The following NRF1 variants were observed in gnomAD, a reference collection of about 807,000 sequenced individuals.
NRF1 encodes nuclear respiratory factor 1.
In NRF1, 5 loss-of-function variants were observed where a neutral mutation model predicts 58.5. The ratio of observed to expected loss-of-function variants is 0.09; its 90% CI spans 0.04 to 0.18. The LOEUF is 0.18. NRF1 is among the 10% of genes least tolerant of loss of function. NRF1 has a pLI of 1.00. For missense variants in NRF1, 288 were observed against 657.7 expected, an observed-to-expected ratio of 0.44 and a Z score of 6.15; for synonymous variants, 224 against 246.7, an observed-to-expected ratio of 0.91 and a Z score of 0.86.
At chr7:129,697,777 C>A (rs1277302788) in intron 5 of NRF1, among the ~76,000 whole-genome samples, 1 of 151,852 alleles carries the variant, frequency 6.6e-6, no homozygotes, top group African/African-American at 2.4e-5. Context: ...CTCTGTTGCC[C>A]AGGCTGGAGT....
At chr7:129,752,275 G>T (rs1272336898) in intron 10 of NRF1, among the ~76,000 whole-genome samples, 1 of 152,048 alleles carries the variant, frequency 6.6e-6, no homozygotes, top group Non-Finnish European at 1.5e-5. Flanking sequence ...CAGTGTAAAA[G>T]GAAGGAGTGG....
At position 129,719,145 on chromosome 7, in the gene NRF1, TA is replaced by T. The variant is rs200413826; in HGVS notation, c.1223+1770del. On this transcript the variant is annotated intron_variant, in intron 9 of 10. Transcript: ENST00000393232. ...GGAGGTAAAGTGATTCTTTTTTTTT[TA>T]TTTGAAACGGATTTTCACTCTTGTT... 2.8e-3 allele frequency among the ~76,000 whole-genome samples: 413 copies of T among 148,546 alleles called. 1 individual carries two copies. Among genetic ancestry groups the T allele is most frequent in the African/African-American group, 3.7e-3 (153 of 40,832 alleles).
At chr7:129,723,179 C>T (rs750151607) in intron 9 of NRF1, among the ~76,000 whole-genome samples, 6 of 152,082 alleles carry the variant, frequency 3.9e-5, no homozygotes, top group South Asian at 2.1e-4. Flanking sequence ...TGCGGTGGCT[C>T]ATGCCTGTAA....
chr7:129,669,364 C>T (rs561695104), intron 2 of NRF1, among the ~76,000 whole-genome samples: 1 of 152,182 alleles, frequency 6.6e-6, no homozygotes, highest in Admixed American at 6.5e-5. Flanking sequence ...AAATATTGAA[C>T]TCTAGCTAAT....
chr7:129,731,743 C>G (rs1304289713), intron 10 of NRF1, among the ~76,000 whole-genome samples: 2 of 152,050 alleles, frequency 1.3e-5, no homozygotes, highest in Non-Finnish European at 2.9e-5. Flanking sequence ...GACGCTGGGA[C>G]CACAGGTGCG....
At chr7:129,642,581 C>G (rs1801314716) in intron 1 of NRF1, among the ~76,000 whole-genome samples, 1 of 151,700 alleles carries the variant, frequency 6.6e-6, no homozygotes. Context: ...TGAAACAAAA[C>G]CAACTGTATA....
At chr7:129,651,072 T>G (rs1253330325) in intron 1 of NRF1, among the ~76,000 whole-genome samples, 1 of 152,216 alleles carries the variant, frequency 6.6e-6, no homozygotes, top group Non-Finnish European at 1.5e-5. Context: ...CCCACTCTAG[T>G]TAAAAGAAGT....
chr7:129,656,014 A>G (rs1801646158), intron 1 of NRF1, among the ~76,000 whole-genome samples: 2 of 152,258 alleles, frequency 1.3e-5, no homozygotes, highest in South Asian at 4.1e-4. Context: ...ATCGATGGTC[A>G]CTTGGGTTGC....
chr7:129,674,442 CT>C (rs1386151034), intron 3 of NRF1, among the ~76,000 whole-genome samples: 3 of 150,222 alleles, frequency 2.0e-5, no homozygotes, highest in Non-Finnish European at 4.4e-5. Flanking sequence ...TTTTAAAATA[CT>C]TTTTTTTTGG....
chr7:129,719,545 A>ACACACACAC (rs1562982215), intron 9 of NRF1, among the ~76,000 whole-genome samples: 5 of 93,212 alleles, frequency 5.4e-5, no homozygotes, highest in South Asian at 6.6e-4. Flanking sequence ...CACACACACA[A>ACACACACAC]CACATCTTCT....
At chr7:129,707,807 C>T (rs909393221) in intron 5 of NRF1, among the ~76,000 whole-genome samples, 2 of 152,100 alleles carry the variant, frequency 1.3e-5, no homozygotes, top group African/African-American at 4.8e-5. Flanking sequence ...AGCATGGCTA[C>T]CGTCAACCAG....
chr7:129,663,934 G>A (rs989830132), intron 2 of NRF1, among the ~76,000 whole-genome samples: 5 of 152,156 alleles, frequency 3.3e-5, no homozygotes, highest in Admixed American at 6.5e-5. Context: ...AGACCAGTCC[G>A]GTCAACACGG....
intron 1 of NRF1, among the ~76,000 whole-genome samples, chr7:129,627,011 A>G (rs1328782799): frequency 6.6e-6 from 1 of 152,240 alleles, no homozygotes; most frequent in Non-Finnish European, 1.5e-5. Context: ...GTGGTTTCTA[A>G]TAAGTATTAC....
chr7:129,693,145 A>G (rs988495952), intron 5 of NRF1, among the ~76,000 whole-genome samples: 2 of 152,230 alleles, frequency 1.3e-5, no homozygotes, highest in African/African-American at 4.8e-5. Context: ...GTATCTGTTC[A>G]GTAAATGACT....
chr7:129,743,285 C>T (rs1052499573), intron 10 of NRF1, among the ~76,000 whole-genome samples: 8 of 152,180 alleles, frequency 5.3e-5, no homozygotes, highest in African/African-American at 1.9e-4. Flanking sequence ...ACTTTCACAG[C>T]CCTGCTGTTG....
Position 129,717,284 on chromosome 7 carries a change from G to C in NRF1, c.1131G>C (p.Glu377Asp). 1.2e-6 allele frequency: 2 copies of C among 1,613,970 alleles called. No individual in the cohort carries two copies. Among genetic ancestry groups the C allele is most frequent in the Non-Finnish European group, 1.7e-6 (2 of 1,179,916 alleles). Residue 377 changes from glutamate (E) to aspartate (D), a missense_variant, in exon 9 of 11, where the codon GAG (glutamate) becomes GAC (aspartate). Glu to Asp is a conservative substitution (Grantham distance 45). Transcript: ENST00000393232. ...EMTIQTTQAS[E>D]ATQAVASLAE... ...CCATCCAGACGACGCAAGCATCAGA[G>C]GCCACCCAGGCGGTGGCATCGTTGG...
chr7:129,710,595 G>A (rs780845693), intron 7 of NRF1, 24 bp downstream of exon 7: 2 of 1,239,332 alleles, frequency 1.6e-6, no homozygotes, highest in East Asian at 2.3e-5. Flanking sequence ...AGGGCTACCA[G>A]ACTGTGGCTT....
At chr7:129,627,405 G>A (rs1800943226) in intron 1 of NRF1, among the ~76,000 whole-genome samples, 1 of 151,684 alleles carries the variant, frequency 6.6e-6, no homozygotes, top group Admixed American at 6.6e-5. Flanking sequence ...TTTTTTCGTA[G>A]ATACAAGGTC....
At chr7:129,724,718 A>C (rs2116242203) in intron 9 of NRF1, among the ~76,000 whole-genome samples, 1 of 152,388 alleles carries the variant, frequency 6.6e-6, no homozygotes, top group Admixed American at 6.5e-5. Flanking sequence ...TACGATGTGG[A>C]TGAATCTTGA....
Sources: gnomAD v4.1 joint callset for allele counts (sites outside exome capture counted in the v4.1 genomes callset) on GRCh38, gnomAD v4.1.1 for gene constraint, MANE v1.5 for transcripts, NCBI Gene and HGNC (gene_info 2026-07-23, HGNC 2026-07-21) for gene names.